The following CNTN6 variants were observed in gnomAD, a reference collection of about 807,000 sequenced individuals.
The protein encoded by CNTN6 is contactin 6.
In CNTN6, 137 loss-of-function variants were observed where a neutral mutation model predicts 122.8. The observed-to-expected ratio is 1.12, with a 90% confidence interval of 0.97 to 1.29. The LOEUF is 1.29. CNTN6 is among the 50% of genes most tolerant of loss of function. The pLI is 0.00. For synonymous variants in CNTN6, 570 were observed against 426.0 expected, an observed-to-expected ratio of 1.34 and a Z score of -4.16; for missense variants, 1,634 against 1,223.4, an observed-to-expected ratio of 1.34 and a Z score of -5.01.
At chr3:1,159,729 C>T (rs933514754) in intron 2 of CNTN6, among the ~76,000 whole-genome samples, 7 of 151,992 alleles carry the variant, frequency 4.6e-5, no homozygotes, top group Admixed American at 4.6e-4. Flanking sequence ...ACATTGGAAT[C>T]ACTTGAGGAC....
At position 1,401,912 on chromosome 3, in the gene CNTN6, A is replaced by G. The variant is rs112526235; in HGVS notation, c.2817+367A>G. On this transcript the variant is annotated intron_variant, in intron 21 of 22. Coordinates refer to ENST00000446702, the MANE Select transcript of CNTN6 (RefSeq NM_001289080.2). Reference sequence around the variant, plus strand: ...AGGCTGCAGTATGATGTGATCTTTTAACAACATAAAAGGCATCTAACAAGA... The same window carrying G: ...AGGCTGCAGTATGATGTGATCTTTTGACAACATAAAAGGCATCTAACAAGA... 3.3e-3 allele frequency among the ~76,000 whole-genome samples: 496 copies of G among 152,126 alleles called. 4 individuals carry two copies. The highest frequency in any genetic ancestry group is 0.017 in the Middle Eastern group (5 of 294).
intron 1 of CNTN6, among the ~76,000 whole-genome samples, chr3:1,097,162 A>G (rs1412637917): frequency 6.6e-6 from 1 of 152,202 alleles, no homozygotes; most frequent in Non-Finnish European, 1.5e-5. Flanking sequence ...GACATAGTAG[A>G]GGAAAAACAG....
intron 1 of CNTN6, among the ~76,000 whole-genome samples, chr3:1,130,488 C>A (rs2092307944): frequency 6.6e-6 from 1 of 152,092 alleles, no homozygotes; most frequent in African/African-American, 2.4e-5. Context: ...TAAATAAATA[C>A]CCATCTTTCT....
chr3:1,196,441 T>TAA (rs1247771084), intron 2 of CNTN6, among the ~76,000 whole-genome samples: 1 of 152,176 alleles, frequency 6.6e-6, no homozygotes, highest in African/African-American at 2.4e-5. Flanking sequence ...TTCAGATCCA[T>TAA]AAGAAGAAGA....
intron 17 of CNTN6, among the ~76,000 whole-genome samples, chr3:1,377,682 C>G (rs1235292374): frequency 6.6e-6 from 1 of 152,114 alleles, no homozygotes; most frequent in Non-Finnish European, 1.5e-5. Flanking sequence ...GTGCCTCAGC[C>G]TAAGAATTCT....
At chr3:1,223,535 G>A (rs987639568) in intron 3 of CNTN6, among the ~76,000 whole-genome samples, 1 of 152,170 alleles carries the variant, frequency 6.6e-6, no homozygotes, top group Non-Finnish European at 1.5e-5. Context: ...AAAGGGAAGA[G>A]AAATGGGCTA....
chr3:1,192,877 G>C (rs1207863068), intron 2 of CNTN6, among the ~76,000 whole-genome samples: 1 of 151,942 alleles, frequency 6.6e-6, no homozygotes, highest in Non-Finnish European at 1.5e-5. Flanking sequence ...CCTCAACTTA[G>C]CTCACCCACA....
At chr3:1,322,845 C>T (rs265796) in intron 8 of CNTN6, among the ~76,000 whole-genome samples, 80,370 of 151,314 alleles carry the variant, frequency 0.53, 22,680 homozygotes, top group East Asian at 0.77. Context: ...CATTATTCTC[C>T]TACAGTTTTA....
At chr3:1,333,620 C>A (rs1289534364) in intron 11 of CNTN6, among the ~76,000 whole-genome samples, 1 of 152,024 alleles carries the variant, frequency 6.6e-6, no homozygotes, top group Non-Finnish European at 1.5e-5. Flanking sequence ...ATGGTACTGT[C>A]TACTTTGAAA....
chr3:1,140,379 G>A (rs765972988), intron 1 of CNTN6, among the ~76,000 whole-genome samples: 9 of 152,130 alleles, frequency 5.9e-5, no homozygotes, highest in Non-Finnish European at 1.3e-4. Context: ...CCCTCAATCA[G>A]GGATCTGCCT....
At chr3:1,343,162 A>G (rs1704144874) in intron 11 of CNTN6, among the ~76,000 whole-genome samples, 1 of 152,188 alleles carries the variant, frequency 6.6e-6, no homozygotes, top group African/African-American at 2.4e-5. Flanking sequence ...AGCTGACTTT[A>G]TTGTAAAAAT....
intron 2 of CNTN6, among the ~76,000 whole-genome samples, chr3:1,199,889 A>G (rs1015123989): frequency 5.3e-5 from 8 of 152,344 alleles, no homozygotes; most frequent in African/African-American, 1.9e-4. Context: ...AAAGAAACAA[A>G]TAAAATAAAC....
Position 1,125,096 on chromosome 3 carries a change from G to A in CNTN6, c.-82-22831G>A, listed in dbSNP as rs1381309697. 3.9e-5 allele frequency among the ~76,000 whole-genome samples: 6 copies of A among 152,062 alleles called. No individual in the cohort carries two copies. The East Asian group carries it at 1.2e-3, about 29-fold the overall frequency. On this transcript the variant is annotated intron_variant, in intron 1 of 22. Coordinates refer to ENST00000446702, the MANE Select transcript of CNTN6 (RefSeq NM_001289080.2). ...TCTGGAACATTCAGGAAATGTGATA[G>A]TTAAGAAATATGTTAATGTTTTATG... is the stretch of plus-strand genomic sequence containing the variant.
intron 2 of CNTN6, among the ~76,000 whole-genome samples, chr3:1,149,602 T>G (rs1376226040): frequency 6.6e-6 from 1 of 152,154 alleles, no homozygotes; most frequent in Non-Finnish European, 1.5e-5. Flanking sequence ...CATAGTTATA[T>G]TTACTCAAAG....
intron 11 of CNTN6, among the ~76,000 whole-genome samples, chr3:1,344,452 C>T (rs1304814583): frequency 3.3e-5 from 5 of 152,068 alleles, no homozygotes; most frequent in Non-Finnish European, 5.9e-5. Context: ...TTTACCTGAA[C>T]CTTTGACAGT....
At chr3:1,259,073 C>T (rs2094804724) in intron 4 of CNTN6, among the ~76,000 whole-genome samples, 1 of 152,130 alleles carries the variant, frequency 6.6e-6, no homozygotes, top group Non-Finnish European at 1.5e-5. Flanking sequence ...TCATGGGTTG[C>T]AGTCTGCAGA....
chr3:1,265,735 T>C (rs1178104733), intron 4 of CNTN6, among the ~76,000 whole-genome samples: 5 of 152,198 alleles, frequency 3.3e-5, no homozygotes, highest in African/African-American at 9.7e-5. Flanking sequence ...GTCTCAAAGA[T>C]GTCTTGTCTC....
chr3:1,383,658 CAAAAACAA>C (rs918898865), intron 19 of CNTN6, among the ~76,000 whole-genome samples: 5 of 148,984 alleles, frequency 3.4e-5, no homozygotes, highest in African/African-American at 7.4e-5. Context: ...AAAACAAAAA[CAAAAACAA>C]AAAAAAACAG....
intron 4 of CNTN6, among the ~76,000 whole-genome samples, chr3:1,247,134 C>A (rs1333867205): frequency 1.3e-5 from 2 of 151,902 alleles, no homozygotes; most frequent in African/African-American, 4.8e-5. Context: ...TGTATTTTGT[C>A]CTTCGTATTT....
Sources: gnomAD v4.1 joint callset for allele counts (sites outside exome capture counted in the v4.1 genomes callset) on GRCh38, gnomAD v4.1.1 for gene constraint, MANE v1.5 for transcripts, NCBI Gene and HGNC (gene_info 2026-07-23, HGNC 2026-07-21) for gene names.